Variants in REM1 observed in about 807,000 individuals in gnomAD.
REM1 encodes GTP-binding protein REM 1.
Under a neutral mutation model 27.0 loss-of-function variants are expected in REM1, and 20 were observed. The ratio of observed to expected loss-of-function variants is 0.74; its 90% CI spans 0.52 to 1.08. The LOEUF (loss-of-function observed/expected upper bound fraction) is 1.08. Ranked by LOEUF, REM1 falls within the 50% of genes least tolerant of loss-of-function variation. REM1 has a pLI of 0.00. For missense variants in REM1, 405 were observed against 407.0 expected (o/e 1.00, Z 0.04); for synonymous variants, 159 against 167.9 (o/e 0.95, Z 0.41).
intron 4 of REM1, 43 bp from the exon 5 acceptor site, chr20:31,484,116 C>T: frequency 6.6e-7 from 1 of 1,517,720 alleles, no homozygotes; most frequent in Non-Finnish European, 8.8e-7. Context: ...TCTCCGCCTT[C>T]CGTTATGGCT....
At chr20:31,480,400 T>C (rs1219721672) in intron 3 of REM1, among the ~76,000 whole-genome samples, 2 of 152,150 alleles carry the variant, frequency 1.3e-5, no homozygotes, top group Non-Finnish European at 2.9e-5. Context: ...CTCAGCTCAC[T>C]GTAACCTCCG....
At chr20:31,481,866 T>G (rs966641675) in intron 3 of REM1, among the ~76,000 whole-genome samples, 2 of 152,156 alleles carry the variant, frequency 1.3e-5, no homozygotes, top group African/African-American at 4.8e-5. Context: ...TGTCCTCACT[T>G]TTCTCTCTTT....
At chr20:31,479,241 T>C (rs1980633625) in intron 3 of REM1, among the ~76,000 whole-genome samples, 1 of 152,224 alleles carries the variant, frequency 6.6e-6, no homozygotes, top group Non-Finnish European at 1.5e-5. Context: ...TTTCAGTCAT[T>C]TGCTCATTCA....
chr20:31,480,970 A>G (rs1016873326), intron 3 of REM1, among the ~76,000 whole-genome samples: 1 of 152,178 alleles, frequency 6.6e-6, no homozygotes, highest in African/African-American at 2.4e-5. Flanking sequence ...CCATTTGGTT[A>G]TCAGAAAATT....
At chr20:31,482,655 C>G (rs1020494723) in intron 4 of REM1, among the ~76,000 whole-genome samples, 167 bp downstream of exon 4, 3 of 152,168 alleles carry the variant, frequency 2.0e-5, no homozygotes. Context: ...CTCATCACCC[C>G]CAAACCAGTC....
rs746217341 is a variant in REM1 at position 31,476,804 on chromosome 20, G to C, written c.340+19G>C. 1 of 1,574,458 alleles carries C rather than the reference G, an allele frequency of 6.4e-7. No individual in the cohort carries two copies. The highest frequency in any genetic ancestry group is 1.2e-5 in the South Asian group (1 of 84,148). ...CTGGGAGGTAGGGGCCATATGGGCT[G>C]GGCTGGGATGTGGCCAAAGGAGCGA... On this transcript the variant is annotated intron_variant, in intron 2 of 4. Coordinates refer to ENST00000201979, the MANE Select transcript of REM1 (RefSeq NM_014012.6).
chr20:31,484,365 C>A lies in REM1; in HGVS notation c.832C>A (p.Arg278Ser), dbSNP rs1221209410. ...ARRFLARLTARSARRRALKAR... is the reference protein window; with the variant it reads ...ARRFLARLTASSARRRALKAR... Reference sequence around the variant, plus strand: ...TCGCTTCCTGGCACGCCTGACAGCCCGCAGCGCACGCCGCCGGGCACTCAA... The same window carrying A: ...TCGCTTCCTGGCACGCCTGACAGCCAGCAGCGCACGCCGCCGGGCACTCAA... Residue 278 changes from arginine (R) to serine (S), a missense_variant, in exon 5 of 5, where the codon CGC (arginine) becomes AGC (serine). Arg to Ser is a moderately radical substitution (Grantham distance 110). Coordinates refer to ENST00000201979, the MANE Select transcript of REM1 (RefSeq NM_014012.6). 6.4e-7 allele frequency: 1 copy of A among 1,557,188 alleles called. No homozygotes were observed. Among genetic ancestry groups the A allele is most frequent in the East Asian group, 2.4e-5 (1 of 41,858 alleles).
At chr20:31,478,125 G>A (rs1980591301) in intron 3 of REM1, among the ~76,000 whole-genome samples, 1 of 151,782 alleles carries the variant, frequency 6.6e-6, no homozygotes, top group Non-Finnish European at 1.5e-5. Flanking sequence ...TCCCCTCCTA[G>A]CAGCCATCTC....
In REM1 at chr20:31,484,666, G is replaced by A. The variant is rs554042692; in HGVS notation, c.*236G>A. The A allele has an allele frequency of 3.9e-6, 2 of 509,602 alleles. No individual in the cohort carries two copies. Among genetic ancestry groups the A allele is most frequent in the Admixed American group, 4.2e-5 (1 of 23,998 alleles). The allele number at this position is 509,602 out of a possible 1,614,324, so 31.6% of individuals were successfully genotyped here. A position where few individuals can be genotyped will look rare whatever the true frequency, so the allele number is the denominator to read the frequency against. ...TGGGCACAAAGTAGTTTTTTACGTG[G>A]TGGGTGTCTTTTTGTAAAAAAATCT... On this transcript the variant is annotated 3_prime_UTR_variant, in exon 5 of 5. Transcript: ENST00000201979.
intron 4 of REM1, among the ~76,000 whole-genome samples, chr20:31,483,107 C>A (rs112256780): frequency 0.043 from 6,608 of 152,248 alleles, 451 homozygotes; most frequent in African/African-American, 0.15. Flanking sequence ...CAAGACCAAC[C>A]TGGCCAACAT....
rs548129879 is a variant in REM1, at chr20:31,484,372, C to T, written c.839C>T (p.Ala280Val). ...RFLARLTARS[A>V]RRRALKARSK... is the part of the protein sequence containing the mutation. ...CTGGCACGCCTGACAGCCCGCAGCG[C>T]ACGCCGCCGGGCACTCAAGGCCCGC... The change falls in exon 5 of 5, where the codon GCA becomes GTA. Residue 280 changes from alanine (A) to valine (V), a missense_variant. Ala to Val is a moderately conservative substitution (Grantham distance 64). Coordinates refer to ENST00000201979, the MANE Select transcript of REM1 (RefSeq NM_014012.6). The T allele has an allele frequency of 3.2e-6, 5 of 1,555,200 alleles. No homozygotes were observed. Among genetic ancestry groups the T allele is most frequent in the East Asian group, 4.8e-5 (2 of 41,734 alleles).
Position 31,476,596 on chromosome 20 carries a change from T to A in REM1, c.151T>A (p.Ser51Thr). ...SQHPRLGQSASLNPPTQKPSP... is the reference protein window; with the variant it reads ...SQHPRLGQSATLNPPTQKPSP... Reference sequence around the variant, plus strand: ...GCATCCCCGGCTGGGCCAATCAGCCTCCCTCAACCCTCCCACCCAGAAACC... The same window carrying A: ...GCATCCCCGGCTGGGCCAATCAGCCACCCTCAACCCTCCCACCCAGAAACC... The change falls in exon 2 of 5, where the codon TCC (serine) becomes ACC (threonine). Residue 51 changes from serine to threonine, a missense_variant. Coordinates refer to ENST00000201979, the MANE Select transcript of REM1 (RefSeq NM_014012.6). 4.3e-6 allele frequency: 7 copies of A among 1,613,966 alleles called. No homozygotes were observed. Among genetic ancestry groups the A allele is most frequent in the Non-Finnish European group, 5.9e-6 (7 of 1,179,966 alleles).
intron 2 of REM1, 51 bp from the exon 3 acceptor site, chr20:31,477,777 C>T: frequency 7.1e-7 from 1 of 1,406,342 alleles, no homozygotes. Flanking sequence ...ACACCACACT[C>T]TCTCAGGCTT....
At position 31,482,251 on chromosome 20, in the gene REM1, C is replaced by A. The variant is rs757006649; in HGVS notation, c.424-36C>A. 4 of 1,603,330 alleles carry A rather than the reference C, an allele frequency of 2.5e-6. No homozygotes were observed. In the African/African-American group the frequency reaches 5.4e-5, roughly 21 times the overall value. Reference sequence around the variant, plus strand: ...ACCTTCCTCAGCCAGGGCCTAGATACCCTCTGAGGATGGGTCTTGGGTCCC... The same window carrying A: ...ACCTTCCTCAGCCAGGGCCTAGATAACCTCTGAGGATGGGTCTTGGGTCCC... On this transcript the variant is annotated intron_variant, in intron 3 of 4. Transcript: ENST00000201979.
rs1980516343 is a variant in REM1, at chr20:31,476,636, A to T, written c.191A>T (p.Asp64Val). 1 of 1,613,880 alleles carries T rather than the reference A, an allele frequency of 6.2e-7. No homozygotes were observed. Among genetic ancestry groups the T allele is most frequent in the Non-Finnish European group, 8.5e-7 (1 of 1,179,920 alleles). The change falls in exon 2 of 5, where the codon GAT becomes GTT. Residue 64 changes from aspartate to valine, a missense_variant. Physicochemically the swap from Asp to Val is radical, Grantham distance 152. Coordinates refer to ENST00000201979, the MANE Select transcript of REM1 (RefSeq NM_014012.6). ...PPTQKPSPAPDDWSSESSDSE... is the reference protein window; with the variant it reads ...PPTQKPSPAPVDWSSESSDSE... ...ACCCAGAAACCTTCACCTGCCCCAG[A>T]TGATTGGTCTTCTGAATCCAGCGAC... is the stretch of plus-strand genomic sequence containing the variant.
chr20:31,481,931 C>CGTTT (rs1364300470), intron 3 of REM1, among the ~76,000 whole-genome samples: 1 of 152,154 alleles, frequency 6.6e-6, no homozygotes, highest in African/African-American at 2.4e-5. Flanking sequence ...CAAGACTAAA[C>CGTTT]CCTCCTCAGA....
At chr20:31,481,653 G>A (rs1298542568) in intron 3 of REM1, among the ~76,000 whole-genome samples, 1 of 152,186 alleles carries the variant, frequency 6.6e-6, no homozygotes, top group East Asian at 1.9e-4. Context: ...TTGGAGGGCT[G>A]TCCCTAACAA....
Position 31,484,145 on chromosome 20 carries a change from C to A in REM1, c.626-14C>A. 6.4e-7 allele frequency: 1 copy of A among 1,561,214 alleles called. No individual in the cohort carries two copies. The highest frequency in any genetic ancestry group is 1.2e-5 in the South Asian group (1 of 84,200). On this transcript the variant is annotated splice_polypyrimidine_tract_variant and intron_variant, in intron 4 of 4. Transcript: ENST00000201979. ...TATGGCTCCACCCCTCCTCGCCGGG[C>A]CCCGCCCCCTTAGAGGGCCGCGCCT...
In REM1 at chr20:31,483,723, G is replaced by C. The variant is rs186437568; in HGVS notation, c.626-436G>C. Among the ~76,000 whole-genome samples, 1,305 of 151,280 alleles carry C rather than the reference G, an allele frequency of 8.6e-3. 9 individuals carry two copies. Among genetic ancestry groups the C allele is most frequent in the Non-Finnish European group, 0.013 (894 of 67,886 alleles). ...ACCAGCCCCTGAGGACTAGAACTCG[G>C]GCTCAGTGGCTCCTGGAGGTGGAAG... On this transcript the variant is annotated intron_variant, in intron 4 of 4. Coordinates refer to ENST00000201979, the MANE Select transcript of REM1 (RefSeq NM_014012.6).
Sources: gnomAD v4.1 joint callset for allele counts (sites outside exome capture counted in the v4.1 genomes callset) on GRCh38, gnomAD v4.1.1 for gene constraint, MANE v1.5 for transcripts, NCBI Gene and HGNC (gene_info 2026-07-23, HGNC 2026-07-21) for gene names.